PDXDC1: variants seen among roughly 807,000 people sequenced by gnomAD.
PDXDC1 encodes pyridoxal-dependent decarboxylase domain-containing protein 1.
A neutral mutation model predicts 100.1 loss-of-function variants in PDXDC1; 42 were observed. That is an observed-to-expected ratio of 0.42 (90% CI 0.33 to 0.54). The LOEUF is 0.54. PDXDC1 is among the 20% of genes least tolerant of loss of function. PDXDC1 has a pLI of 0.10. For missense variants in PDXDC1, 636 were observed against 979.2 expected (o/e 0.65, Z 4.68); for synonymous variants, 260 against 371.7 (o/e 0.70, Z 3.46).
At chr16:14,985,496 G>T (rs1197003626) in intron 1 of PDXDC1, among the ~76,000 whole-genome samples, 1 of 151,944 alleles carries the variant, frequency 6.6e-6, no homozygotes, top group African/African-American at 2.4e-5. Context: ...TACTGTGTTA[G>T]CCAGGATGGT....
chr16:15,130,428 C>T (rs537608655), intron 16 of PDXDC1: 116 of 1,503,316 alleles, frequency 7.7e-5, no homozygotes, highest in Middle Eastern at 2.3e-4. Context: ...GAGGTTCAGA[C>T]GGTAACTCCC....
At chr16:14,983,267 T>A (rs1373137371) in intron 1 of PDXDC1, among the ~76,000 whole-genome samples, 1 of 152,402 alleles carries the variant, frequency 6.6e-6, no homozygotes, top group African/African-American at 2.4e-5. Context: ...TTATAGAGGC[T>A]GCTTCTCTTA....
chr16:14,981,700 A>G (rs1487145631), intron 1 of PDXDC1, among the ~76,000 whole-genome samples: 3 of 152,292 alleles, frequency 2.0e-5, no homozygotes, highest in Admixed American at 2.0e-4. Flanking sequence ...AGCATCTCCA[A>G]CGTATATCTG....
intron 1 of PDXDC1, among the ~76,000 whole-genome samples, chr16:14,992,195 A>C (rs1971003029): frequency 6.6e-6 from 1 of 152,298 alleles, no homozygotes; most frequent in Non-Finnish European, 1.5e-5. Flanking sequence ...ATTGTCAAGC[A>C]ACAAGTCTAG....
chr16:15,014,211 A>C (rs1316871951), intron 8 of PDXDC1, among the ~76,000 whole-genome samples: 3 of 152,162 alleles, frequency 2.0e-5, no homozygotes, highest in Non-Finnish European at 4.4e-5. Context: ...TGTCTCAAAA[A>C]AAAAAAAAAA....
intron 16 of PDXDC1, chr16:15,134,102 C>T (rs771150952): frequency 2.6e-5 from 39 of 1,515,246 alleles, no homozygotes; most frequent in Middle Eastern, 2.3e-4. Context: ...GGTGAGGGGG[C>T]GCAACCCTCT....
At chr16:15,141,060 C>T (rs997007468), downstream of PDXDC1, among the ~76,000 whole-genome samples, 6 of 150,282 alleles carry the variant, frequency 4.0e-5, no homozygotes, top group Non-Finnish European at 7.4e-5. Context: ...GCCTCCATCC[C>T]TGAGCACCCG....
intron 1 of PDXDC1, chr16:14,988,969 G>A (rs2151240236): frequency 6.2e-7 from 1 of 1,614,168 alleles, no homozygotes; most frequent in East Asian, 2.2e-5. Context: ...CTGAAGCGGT[G>A]ATCTTCATAG....
chr16:15,099,486 T>C (rs2046469760), intron 16 of PDXDC1, among the ~76,000 whole-genome samples: 1 of 151,682 alleles, frequency 6.6e-6, no homozygotes, highest in Non-Finnish European at 1.5e-5. Flanking sequence ...TAATTTCTGT[T>C]GTAATTCTTT....
chr16:15,145,562 G>T, the PDXDC1 span, among the ~76,000 whole-genome samples: 1 of 152,262 alleles, frequency 6.6e-6, no homozygotes, highest in South Asian at 2.1e-4. Flanking sequence ...GGAACGCCAG[G>T]CTGGGCCAGG....
intron 14 of PDXDC1, among the ~76,000 whole-genome samples, chr16:15,027,550 T>C (rs563420287): frequency 3.2e-3 from 487 of 152,226 alleles, no homozygotes; most frequent in African/African-American, 0.011. Flanking sequence ...GGAGAATGAG[T>C]GCAAGGTTTT....
In PDXDC1 at chr16:15,038,063, A is replaced by G; in HGVS notation, c.*1788A>G. 1.2e-6 allele frequency: 2 copies of G among 1,612,664 alleles called. No individual in the cohort carries two copies. Among genetic ancestry groups the G allele is most frequent in the Non-Finnish European group, 1.7e-6 (2 of 1,179,622 alleles). On this transcript the variant is annotated 3_prime_UTR_variant, in exon 23 of 23. Transcript: ENST00000396410. ...CCTGGAGAAGAGATCTTTTCCCACA[A>G]GCCATCTTCATTTTTTTTGTAGAGT...
At position 15,090,216 on chromosome 16, in the gene PDXDC1, A is replaced by G. The variant is rs189934024; in HGVS notation, c.1400-48663A>G. ...TAAGAAGGAGACTTTGTCTTAAAAA[A>G]AAAGTCCACTGAAATCAGCATGTAA... On this transcript the variant is annotated intron_variant, in intron 16 of 16. Coordinates refer to the PDXDC1 transcript ENST00000535621. Among the ~76,000 whole-genome samples, 80 of 152,256 alleles carry G rather than the reference A, an allele frequency of 5.3e-4. 1 individual carries two copies. The East Asian group carries it at 0.015, about 29-fold the overall frequency.
chr16:15,014,191 G>A (rs2041595816), intron 8 of PDXDC1, among the ~76,000 whole-genome samples: 1 of 150,562 alleles, frequency 6.6e-6, no homozygotes, highest in South Asian at 2.1e-4. Flanking sequence ...TGGGCAACAG[G>A]GTGAGACTCT....
Position 15,031,756 on chromosome 16 carries a change from A to T in PDXDC1, c.1421A>T (p.Asp474Val). The T allele has an allele frequency of 6.2e-7, 1 of 1,611,952 alleles. No homozygotes were observed. ...TAAVLGTRGE[D>V]VDQLVACIES... ...TCAGTTTTAGGAACTCGGGGAGAGG[A>T]TGTGGATCAGCTCGTAGCCTGCATA... Residue 474 changes from aspartate (D) to valine (V), a missense_variant, in exon 17 of 23, where the codon GAT (aspartate) becomes GTT (valine). Around this residue, in one of 4 missense-constraint regions of PDXDC1, gnomAD observed 452 missense variants for 402.9 expected, o/e 1.12. Transcript: ENST00000396410.
intron 16 of PDXDC1, chr16:15,056,013 C>G (rs943751846): frequency 3.6e-6 from 4 of 1,099,868 alleles, no homozygotes; most frequent in Non-Finnish European, 4.5e-6. Flanking sequence ...AGGCGGCGGC[C>G]CCCCGCTTTG....
intron 5 of PDXDC1, among the ~76,000 whole-genome samples, chr16:15,004,927 T>G (rs553871398): frequency 3.3e-4 from 51 of 152,418 alleles, no homozygotes; most frequent in Middle Eastern, 3.4e-3. Context: ...AGTCTGTAGA[T>G]ATTCAGTACA....
intron 1 of PDXDC1, chr16:14,990,137 C>CA: frequency 1.4e-6 from 2 of 1,442,176 alleles, no homozygotes; most frequent in Non-Finnish European, 1.8e-6. Flanking sequence ...CCGGCAGCCC[C>CA]TTGAGCCCCT....
At chr16:15,058,991 A>C (rs1166730841) in intron 16 of PDXDC1, among the ~76,000 whole-genome samples, 1 of 152,204 alleles carries the variant, frequency 6.6e-6, no homozygotes, top group East Asian at 1.9e-4. Context: ...ACTGAAACAC[A>C]CAAAAGCATT....
Sources: allele counts gnomAD v4.1 joint callset (sites outside exome capture counted in the v4.1 genomes callset), GRCh38; gene constraint gnomAD v4.1.1; regional missense constraint gnomAD v4.1.1; transcripts MANE v1.5; gene names NCBI Gene and HGNC (gene_info 2026-07-23, HGNC 2026-07-21).